The following BCAS3 variants were observed in gnomAD, a reference collection of about 807,000 sequenced individuals.
BCAS3 encodes the protein BCAS3 microtubule associated cell migration factor.
A neutral mutation model predicts 116.1 loss-of-function variants in BCAS3; 53 were observed. That is an observed-to-expected ratio of 0.46 (90% CI 0.37 to 0.57). BCAS3 has a LOEUF of 0.57. BCAS3 is among the 20% of genes least tolerant of loss of function. The pLI, the probability that BCAS3 is intolerant of heterozygous loss-of-function variation, is 0.00. For missense variants in BCAS3, 917 were observed against 1,165.4 expected (o/e 0.79, Z 3.10); for synonymous variants, 391 against 408.2 (o/e 0.96, Z 0.51).
At chr17:61,111,457 A>T (rs372508920) in intron 22 of BCAS3, among the ~76,000 whole-genome samples, 3 of 149,562 alleles carry the variant, frequency 2.0e-5, no homozygotes, top group African/African-American at 7.4e-5. Flanking sequence ...CTCAGGAGCC[A>T]ATGCGATCAA....
intron 6 of BCAS3, among the ~76,000 whole-genome samples, chr17:60,783,720 A>G (rs1314845680): frequency 6.6e-6 from 1 of 152,212 alleles, no homozygotes; most frequent in East Asian, 1.9e-4. Flanking sequence ...CAGTTTTCCC[A>G]TCATTAACTT....
intron 5 of BCAS3, among the ~76,000 whole-genome samples, chr17:60,742,557 C>T (rs1185678814): frequency 5.3e-5 from 8 of 151,262 alleles, no homozygotes; most frequent in African/African-American, 1.7e-4. Flanking sequence ...CTCAGCCTCC[C>T]GAGTAGCTGG....
chr17:61,386,085 C>T (rs2059832315), intron 23 of BCAS3, among the ~76,000 whole-genome samples: 1 of 152,220 alleles, frequency 6.6e-6, no homozygotes, highest in Non-Finnish European at 1.5e-5. Flanking sequence ...AAGCGTTAAG[C>T]ACTTTGTGAT....
At chr17:60,734,144 C>A (rs1430246314) in intron 5 of BCAS3, among the ~76,000 whole-genome samples, 1 of 152,118 alleles carries the variant, frequency 6.6e-6, no homozygotes, top group African/African-American at 2.4e-5. Context: ...GCTCTAATCC[C>A]CAGGCTAGAG....
chr17:61,032,211 T>G lies in BCAS3; in HGVS notation c.1638-2455T>G, dbSNP rs1229338045. 6.6e-6 allele frequency among the ~76,000 whole-genome samples: 1 copy of G among 152,154 alleles called. No individual in the cohort carries two copies. The highest frequency in any genetic ancestry group is 1.9e-4 in the East Asian group (1 of 5,204). The stretch of plus-strand genomic sequence containing the variant: ...TCTCTTAAGAAGAGGCATGCTCACT[T>G]GTTACTTACCACATGATTTAAAAAC... On this transcript the variant is annotated intron_variant, in intron 16 of 23. Coordinates refer to ENST00000407086, the MANE Select transcript of BCAS3 (RefSeq NM_017679.5). The surrounding 1 kb of genome is among the most constrained non-coding windows in gnomAD (Gnocchi z 4.6).
intron 7 of BCAS3, chr17:60,811,498 A>G: frequency 2.2e-6 from 1 of 457,920 alleles, no homozygotes; most frequent in Non-Finnish European, 4.1e-6. Flanking sequence ...GGGAGCCAGG[A>G]GGCCAATGAA....
At chr17:61,046,046 T>A (rs1471734556) in intron 19 of BCAS3, among the ~76,000 whole-genome samples, 4 of 17,626 alleles carry the variant, frequency 2.3e-4, no homozygotes, top group African/African-American at 8.6e-4. Context: ...TATATATATA[T>A]AATATATATA....
chr17:61,226,444 G>A lies in BCAS3; in HGVS notation c.2425+141880G>A, dbSNP rs1336267689. Reference sequence around the variant, plus strand: ...ACTTTTGTATGGAGATCTTTGTTAAGTGGATTTTATGCTTGCTTCTTAAAA... The same window carrying A: ...ACTTTTGTATGGAGATCTTTGTTAAATGGATTTTATGCTTGCTTCTTAAAA... On this transcript the variant is annotated intron_variant, in intron 22 of 23. Transcript: ENST00000407086. This position sits in a 1 kb window ranked among gnomAD's most constrained non-coding sequence, Gnocchi z 6.0. Among the ~76,000 whole-genome samples the A allele has an allele frequency of 1.3e-5, 2 of 152,188 alleles. No homozygotes were observed. The highest frequency in any genetic ancestry group is 2.4e-5 in the African/African-American group (1 of 41,456).
chr17:60,956,012 T>C lies in BCAS3; in HGVS notation c.1221+8660T>C, dbSNP rs2061113691. On this transcript the variant is annotated intron_variant, in intron 14 of 23. Transcript: ENST00000407086. The surrounding 1 kb of genome is among the most constrained non-coding windows in gnomAD (Gnocchi z 4.2). ...TCCTCACTGTGCAGTTACTCTTTTGTACTTATAAAAATTTACAAGGTTTTT... is the reference window on the plus strand; with the variant it reads ...TCCTCACTGTGCAGTTACTCTTTTGCACTTATAAAAATTTACAAGGTTTTT... 1.3e-5 allele frequency among the ~76,000 whole-genome samples: 2 copies of C among 152,226 alleles called. No individual in the cohort carries two copies. Among genetic ancestry groups the C allele is most frequent in the Non-Finnish European group, 2.9e-5 (2 of 68,040 alleles).
chr17:61,055,195 T>C (rs1368303269), intron 19 of BCAS3, among the ~76,000 whole-genome samples: 2 of 152,216 alleles, frequency 1.3e-5, no homozygotes, highest in African/African-American at 4.8e-5. Context: ...GGCAGGAGCT[T>C]GTGGGTTGAT....
intron 16 of BCAS3, among the ~76,000 whole-genome samples, chr17:61,024,161 T>G (rs1488507352): frequency 1.3e-5 from 2 of 152,148 alleles, no homozygotes; most frequent in Non-Finnish European, 2.9e-5. Flanking sequence ...ATTCCTTTGC[T>G]ACTGAGGAAA....
chr17:61,357,738 G>A (rs1208194277), intron 22 of BCAS3, among the ~76,000 whole-genome samples: 3 of 148,014 alleles, frequency 2.0e-5, no homozygotes, highest in African/African-American at 7.4e-5. Context: ...CACCATGCCC[G>A]GCCAAAAATT....
intron 22 of BCAS3, among the ~76,000 whole-genome samples, chr17:61,085,926 C>G (rs1466649676): frequency 1.3e-5 from 2 of 152,048 alleles, no homozygotes; most frequent in Non-Finnish European, 2.9e-5. Context: ...CAAGAGTAGG[C>G]CTTGATTGGG....
At position 61,118,513 on chromosome 17, in the gene BCAS3, C is replaced by A. The variant is rs1332171640; in HGVS notation, c.2425+33949C>A. Among the ~76,000 whole-genome samples, 1 of 152,090 alleles carries A rather than the reference C, an allele frequency of 6.6e-6. No homozygotes were observed. The highest frequency in any genetic ancestry group is 1.5e-5 in the Non-Finnish European group (1 of 68,006). Reference sequence around the variant, plus strand: ...GTTAACAGCAGATAGGGATGAAAGTCCTGACTGTACTTAGCCTTCTCCAAC... The same window carrying A: ...GTTAACAGCAGATAGGGATGAAAGTACTGACTGTACTTAGCCTTCTCCAAC... On this transcript the variant is annotated intron_variant, in intron 22 of 23. Transcript: ENST00000407086. This position sits in a 1 kb window ranked among gnomAD's most constrained non-coding sequence, Gnocchi z 5.0.
At chr17:61,353,527 G>A (rs890139044) in intron 22 of BCAS3, 4 of 152,286 alleles carry the variant, frequency 2.6e-5, no homozygotes, top group Admixed American at 2.0e-4. Flanking sequence ...TCACTTCCCT[G>A]CCCTGATTTC....
At chr17:60,680,675 G>C (rs2032939329) in intron 2 of BCAS3, among the ~76,000 whole-genome samples, 1 of 149,680 alleles carries the variant, frequency 6.7e-6, no homozygotes, top group African/African-American at 2.5e-5. Context: ...TCACTCTGTT[G>C]CCCAGGTTGG....
chr17:60,709,132 G>C (rs2037541771), intron 4 of BCAS3, 87 bp from the exon 5 acceptor site: 6 of 660,824 alleles, frequency 9.1e-6, no homozygotes. Flanking sequence ...TGTAAAGATT[G>C]AATCAGGCAT....
In BCAS3 at chr17:61,204,651, G is replaced by A. The variant is rs746615036; in HGVS notation, c.2425+120087G>A. On this transcript the variant is annotated intron_variant, in intron 22 of 23. Transcript: ENST00000407086. The surrounding 1 kb of genome is among the most constrained non-coding windows in gnomAD (Gnocchi z 4.2). ...ACAGTACCAGGGTTTTTTTGTTTTC[G>A]TTTTTCTTTAAATCTCATTCCCATT... is the stretch of plus-strand genomic sequence containing the variant. Among the ~76,000 whole-genome samples the A allele has an allele frequency of 2.0e-5, 3 of 151,696 alleles. No homozygotes were observed. The highest frequency in any genetic ancestry group is 6.6e-5 in the Admixed American group (1 of 15,238).
intron 9 of BCAS3, among the ~76,000 whole-genome samples, chr17:60,880,097 A>G (rs2055976876): frequency 6.6e-6 from 1 of 152,190 alleles, no homozygotes. Context: ...TTCTCTGCAC[A>G]CAATTCTCAC....
Sources: gnomAD v4.1 joint callset for allele counts (sites outside exome capture counted in the v4.1 genomes callset) on GRCh38, gnomAD v4.1.1 for gene constraint, Gnocchi (gnomAD v3.1) non-coding constraint, MANE v1.5 for transcripts, NCBI Gene and HGNC (gene_info 2026-07-23, HGNC 2026-07-21) for gene names.